BAIAP2L1: variants seen among roughly 807,000 people sequenced by gnomAD.
BAIAP2L1 encodes the protein BAR/IMD domain-containing adapter protein 2-like 1.
Under a neutral mutation model 66.3 loss-of-function variants are expected in BAIAP2L1, and 35 were observed. That is an observed-to-expected ratio of 0.53 (90% CI 0.40 to 0.70). The LOEUF (loss-of-function observed/expected upper bound fraction) is 0.70. BAIAP2L1 is among the 30% of genes least tolerant of loss of function. BAIAP2L1 has a pLI of 0.00. For synonymous variants in BAIAP2L1, 269 were observed against 248.7 expected (o/e 1.08, Z -0.77); for missense variants, 622 against 656.9 (o/e 0.95, Z 0.58).
At chr7:98,317,570 C>T (rs1801113594) in intron 5 of BAIAP2L1, among the ~76,000 whole-genome samples, 1 of 151,308 alleles carries the variant, frequency 6.6e-6, no homozygotes, top group African/African-American at 2.4e-5. Context: ...GCACCATCCT[C>T]ATGCTGACCA....
At chr7:98,316,594 A>G (rs1427730440) in intron 6 of BAIAP2L1, among the ~76,000 whole-genome samples, 1 of 152,206 alleles carries the variant, frequency 6.6e-6, no homozygotes, top group African/African-American at 2.4e-5. Context: ...TTGGGTGGCC[A>G]TCACCTCAAA....
chr7:98,395,878 A>G (rs1297953603), intron 1 of BAIAP2L1, among the ~76,000 whole-genome samples: 1 of 152,050 alleles, frequency 6.6e-6, no homozygotes, highest in Admixed American at 6.6e-5. Flanking sequence ...CAAAAATAAA[A>G]AATTAGCCGG....
In BAIAP2L1 at chr7:98,292,636, CA is replaced by C; in HGVS notation, c.*884del. 1 of 1,551,666 alleles carries C rather than the reference CA, an allele frequency of 6.4e-7. No homozygotes were observed. The highest frequency in any genetic ancestry group is 8.7e-7 in the Non-Finnish European group (1 of 1,146,984). On this transcript the variant is annotated 3_prime_UTR_variant, in exon 14 of 14. Coordinates refer to ENST00000005260, the MANE Select transcript of BAIAP2L1 (RefSeq NM_018842.5). ...CTAGGCTGAAAAACCCGCCCTTCTC[CA>C]GGCACCAGAGGTCATCCTGGCTTTA...
chr7:98,362,621 G>A (rs1802296841), intron 1 of BAIAP2L1, among the ~76,000 whole-genome samples, 189 bp from the exon 2 acceptor site: 1 of 152,170 alleles, frequency 6.6e-6, no homozygotes. Context: ...CTCACAGGTG[G>A]CAAGGTGCCC....
chr7:98,326,130 A>C (rs1801376869), intron 3 of BAIAP2L1, among the ~76,000 whole-genome samples: 1 of 152,086 alleles, frequency 6.6e-6, no homozygotes, highest in Non-Finnish European at 1.5e-5. Context: ...TACAATGATA[A>C]GCTAGGTGTG....
chr7:98,369,660 CTAATT>C (rs1306909904), intron 1 of BAIAP2L1, among the ~76,000 whole-genome samples: 2 of 137,606 alleles, frequency 1.5e-5, no homozygotes, highest in Admixed American at 1.7e-4. Context: ...ATTTGATTTC[CTAATT>C]TTTTTTTTTT....
At chr7:98,301,485 A>ATATATATATT (rs1366200355) in intron 12 of BAIAP2L1, among the ~76,000 whole-genome samples, 6 of 148,940 alleles carry the variant, frequency 4.0e-5, no homozygotes, top group African/African-American at 1.2e-4. Flanking sequence ...GTATATATAT[A>ATATATATATT]TATATATATT....
chr7:98,304,482 A>G (rs1047868943), intron 11 of BAIAP2L1, 106 bp from the exon 12 acceptor site: 5 of 1,074,330 alleles, frequency 4.7e-6, no homozygotes, highest in Admixed American at 4.7e-5. Flanking sequence ...TACATCACCA[A>G]TCAAAACCTG....
intron 12 of BAIAP2L1, among the ~76,000 whole-genome samples, chr7:98,297,272 C>A (rs1449613943): frequency 6.6e-6 from 1 of 152,266 alleles, no homozygotes; most frequent in African/African-American, 2.4e-5. Flanking sequence ...CTGGTCCACA[C>A]CCCCTTCCCG....
At position 98,292,811 on chromosome 7, in the gene BAIAP2L1, C is replaced by T. The variant is rs1468352502; in HGVS notation, c.*710G>A. 1 of 1,514,802 alleles carries T rather than the reference C, an allele frequency of 6.6e-7. No individual in the cohort carries two copies. 93.8% of individuals were successfully genotyped at this position (1,514,802 alleles called of 1,614,324 possible). A position where few individuals can be genotyped will look rare whatever the true frequency, so the allele number is the denominator to read the frequency against. ...TGACTCCGACGCCCAGGCCTGTGTCCTGGATGGGCCGTGTGCAGCGAATCC... is the reference window on the plus strand; with the variant it reads ...TGACTCCGACGCCCAGGCCTGTGTCTTGGATGGGCCGTGTGCAGCGAATCC... On this transcript the variant is annotated 3_prime_UTR_variant, in exon 14 of 14. Coordinates refer to ENST00000005260, the MANE Select transcript of BAIAP2L1 (RefSeq NM_018842.5).
At chr7:98,390,993 C>A (rs1340059550) in intron 1 of BAIAP2L1, among the ~76,000 whole-genome samples, 2 of 125,196 alleles carry the variant, frequency 1.6e-5, no homozygotes, top group African/African-American at 5.3e-5. Flanking sequence ...TCCACCACAC[C>A]CAGCTAATTT....
At chr7:98,393,638 C>T (rs907909241) in intron 1 of BAIAP2L1, among the ~76,000 whole-genome samples, 13 of 151,760 alleles carry the variant, frequency 8.6e-5, no homozygotes, top group Non-Finnish European at 1.5e-4. Flanking sequence ...GCTGGGACTA[C>T]AGCCTCCCGC....
At chr7:98,353,242 A>G (rs1236179144) in intron 3 of BAIAP2L1, among the ~76,000 whole-genome samples, 2 of 149,722 alleles carry the variant, frequency 1.3e-5, no homozygotes, top group African/African-American at 4.9e-5. Flanking sequence ...TCATCCTAGC[A>G]CTTTGAGAGG....
chr7:98,339,509 G>C (rs1394742452), intron 3 of BAIAP2L1, among the ~76,000 whole-genome samples: 2 of 152,158 alleles, frequency 1.3e-5, no homozygotes, highest in East Asian at 1.9e-4. Flanking sequence ...AACCCCACCT[G>C]CACTAACGAA....
intron 1 of BAIAP2L1, among the ~76,000 whole-genome samples, chr7:98,372,784 G>A (rs1399881223): frequency 6.9e-6 from 1 of 144,122 alleles, no homozygotes; most frequent in Non-Finnish European, 1.5e-5. Flanking sequence ...TGTCTCCCAG[G>A]CTGGAATGTA....
At chr7:98,299,741 G>A (rs1800342309) in intron 12 of BAIAP2L1, among the ~76,000 whole-genome samples, 1 of 152,114 alleles carries the variant, frequency 6.6e-6, no homozygotes, top group Non-Finnish European at 1.5e-5. Context: ...GCTGTATATG[G>A]CTACTTAAAA....
chr7:98,344,040 G>C (rs1801814229), intron 3 of BAIAP2L1, among the ~76,000 whole-genome samples: 2 of 152,162 alleles, frequency 1.3e-5, no homozygotes, highest in Admixed American at 1.3e-4. Context: ...AATCAGCTGG[G>C]TGTGGTGGGT....
At chr7:98,334,695 C>A (rs1315255209) in intron 3 of BAIAP2L1, among the ~76,000 whole-genome samples, 2 of 151,818 alleles carry the variant, frequency 1.3e-5, no homozygotes, top group African/African-American at 4.8e-5. Context: ...ATAGGTGCCC[C>A]CCACCACGCC....
At chr7:98,341,177 G>GA (rs894741170) in intron 3 of BAIAP2L1, among the ~76,000 whole-genome samples, 1 of 151,828 alleles carries the variant, frequency 6.6e-6, no homozygotes, top group Non-Finnish European at 1.5e-5. Flanking sequence ...AAATACTCAA[G>GA]AAAAAAAGCT....
Sources: allele counts gnomAD v4.1 joint callset (sites outside exome capture counted in the v4.1 genomes callset), GRCh38; gene constraint gnomAD v4.1.1; transcripts MANE v1.5; gene names NCBI Gene and HGNC (gene_info 2026-07-23, HGNC 2026-07-21).